The following USP31 variants were observed in gnomAD, a reference collection of about 807,000 sequenced individuals.
The protein encoded by USP31 is ubiquitin specific peptidase 31.
In USP31, 44 loss-of-function variants were observed where a neutral mutation model predicts 119.4. The observed-to-expected ratio is 0.37, with a 90% confidence interval of 0.29 to 0.47. The LOEUF is 0.47. USP31 is among the 20% of genes least tolerant of loss of function. USP31 has a pLI of 0.99. For synonymous variants in USP31, 749 were observed against 705.6 expected (o/e 1.06, Z -0.97); for missense variants, 1,643 against 1,730.2 (o/e 0.95, Z 0.89).
At chr16:23,078,417 A>T (rs1900680034) in intron 13 of USP31, among the ~76,000 whole-genome samples, 1 of 151,592 alleles carries the variant, frequency 6.6e-6, no homozygotes, top group Non-Finnish European at 1.5e-5. Flanking sequence ...GGCATGCGCC[A>T]CTCACCCCTC....
At chr16:23,126,351 G>A (rs1477226871) in intron 1 of USP31, among the ~76,000 whole-genome samples, 5 of 149,510 alleles carry the variant, frequency 3.3e-5, no homozygotes, top group East Asian at 2.0e-4. Flanking sequence ...AAGGCTGGGC[G>A]TAGTGGCTCA....
chr16:23,098,919 C>T (rs1314859866), intron 6 of USP31, among the ~76,000 whole-genome samples: 2 of 152,160 alleles, frequency 1.3e-5, no homozygotes, highest in African/African-American at 4.8e-5. Flanking sequence ...TGAGCAAGGG[C>T]TTCATGACTA....
chr16:23,136,496 T>C (rs1238123560), intron 1 of USP31, among the ~76,000 whole-genome samples: 5 of 151,710 alleles, frequency 3.3e-5, no homozygotes, highest in South Asian at 2.1e-4. Flanking sequence ...CTACTAAAAA[T>C]ACAAAAAATT....
chr16:23,067,871 T>G lies in USP31; in HGVS notation c.*175A>C. 1.2e-6 allele frequency: 1 copy of G among 813,840 alleles called. No individual in the cohort carries two copies. The highest frequency in any genetic ancestry group is 3.3e-5 in the Admixed American group (1 of 30,216). 50.4% of individuals were successfully genotyped at this position (813,840 alleles called of 1,614,324 possible). ...TTCAATGGCAGAATAAGGCGACGCTTTGAACAATTTGCAATTGAATTAGAC... is the reference window on the plus strand; with the variant it reads ...TTCAATGGCAGAATAAGGCGACGCTGTGAACAATTTGCAATTGAATTAGAC... On this transcript the variant is annotated 3_prime_UTR_variant, in exon 16 of 16. Coordinates refer to ENST00000219689, the MANE Select transcript of USP31 (RefSeq NM_020718.4).
At chr16:23,076,261 C>T (rs906572025) in intron 13 of USP31, among the ~76,000 whole-genome samples, 1 of 146,300 alleles carries the variant, frequency 6.8e-6, no homozygotes, top group African/African-American at 2.5e-5. Flanking sequence ...ATCCTGAACA[C>T]GTACACCTGA....
At chr16:23,117,751 C>CTTTTTTTTTTTTTTTTT (rs67615111) in intron 1 of USP31, among the ~76,000 whole-genome samples, 2 of 141,594 alleles carry the variant, frequency 1.4e-5, no homozygotes, top group African/African-American at 2.6e-5. Flanking sequence ...TTTTCCTTTT[C>CTTTTTTTTTTTTTTTTT]TTTTTTTTTT....
At chr16:23,110,043 A>T (rs1200081755) in intron 1 of USP31, among the ~76,000 whole-genome samples, 2 of 152,310 alleles carry the variant, frequency 1.3e-5, no homozygotes, top group East Asian at 3.9e-4. Context: ...TATCAAATTT[A>T]ATCAATAGTA....
At chr16:23,110,899 AGGGT>A (rs1278305716) in intron 1 of USP31, among the ~76,000 whole-genome samples, 1 of 152,048 alleles carries the variant, frequency 6.6e-6, no homozygotes, top group Non-Finnish European at 1.5e-5. Context: ...GAGTCCAAGG[AGGGT>A]GGATCACGAG....
At position 23,065,769 on chromosome 16, in the gene USP31, C is replaced by A. The variant is rs1900041578; in HGVS notation, c.*2277G>T. On this transcript the variant is annotated 3_prime_UTR_variant, in exon 16 of 16. Transcript: ENST00000219689. ...GATAACTCAAGAATAAAAATATTTACCACTGTGAAAATTAAACTAGTTTCT... is the reference window on the plus strand; with the variant it reads ...GATAACTCAAGAATAAAAATATTTAACACTGTGAAAATTAAACTAGTTTCT... 6.6e-6 allele frequency: 1 copy of A among 151,802 alleles called. No homozygotes were observed. 9.4% of individuals were successfully genotyped at this position (151,802 alleles called of 1,614,324 possible).
chr16:23,102,302 A>C lies in USP31; in HGVS notation c.1234+17T>G. The C allele has an allele frequency of 6.2e-7, 1 of 1,606,850 alleles. No individual in the cohort carries two copies. Among genetic ancestry groups the C allele is most frequent in the Non-Finnish European group, 8.5e-7 (1 of 1,177,668 alleles). On this transcript the variant is annotated intron_variant, in intron 6 of 15. Coordinates refer to ENST00000219689, the MANE Select transcript of USP31 (RefSeq NM_020718.4). ...CTGCAAACCCAGGTGGCATTATGGA[A>C]ACAGGAGCTCCCTTACCTCTTTGAC...
rs1188202570 is a variant in USP31 at position 23,067,577 on chromosome 16, A to C, written c.*469T>G. The C allele has an allele frequency of 6.5e-6, 1 of 154,686 alleles. No individual in the cohort carries two copies. The highest frequency in any genetic ancestry group is 2.4e-5 in the African/African-American group (1 of 41,452). 9.6% of individuals were successfully genotyped at this position (154,686 alleles called of 1,614,324 possible). On this transcript the variant is annotated 3_prime_UTR_variant, in exon 16 of 16. Transcript: ENST00000219689. Reference sequence around the variant, plus strand: ...TTCCCTCGATTTGTTTCGTTGTTAGAGTCACAGTTTTTAGAGCTCCTGGTG... The same window carrying C: ...TTCCCTCGATTTGTTTCGTTGTTAGCGTCACAGTTTTTAGAGCTCCTGGTG...
At chr16:23,104,311 G>A (rs1902003956) in intron 5 of USP31, among the ~76,000 whole-genome samples, 1 of 152,190 alleles carries the variant, frequency 6.6e-6, no homozygotes, top group Non-Finnish European at 1.5e-5. Flanking sequence ...GAACAAGCAA[G>A]TAAAATTCAC....
intron 5 of USP31, among the ~76,000 whole-genome samples, chr16:23,105,136 C>A (rs1902042895): frequency 6.6e-6 from 1 of 152,204 alleles, no homozygotes; most frequent in Non-Finnish European, 1.5e-5. Context: ...CCACTGCCCA[C>A]ATACACATCC....
At chr16:23,113,056 A>AC (rs1299307947) in intron 1 of USP31, among the ~76,000 whole-genome samples, 1 of 152,164 alleles carries the variant, frequency 6.6e-6, no homozygotes, top group Admixed American at 6.5e-5. Flanking sequence ...AATAAAAAAA[A>AC]CATCATTAGC....
chr16:23,122,201 T>C (rs545433394), intron 1 of USP31, among the ~76,000 whole-genome samples: 1 of 152,274 alleles, frequency 6.6e-6, no homozygotes, highest in African/African-American at 2.4e-5. Context: ...AATATCAAAT[T>C]TTAGCAAAAG....
At chr16:23,135,506 C>T (rs765194871) in intron 1 of USP31, among the ~76,000 whole-genome samples, 1 of 151,964 alleles carries the variant, frequency 6.6e-6, no homozygotes. Flanking sequence ...GATACAAAAT[C>T]AACATGCAAA....
intron 4 of USP31, among the ~76,000 whole-genome samples, 181 bp from the exon 5 acceptor site, chr16:23,105,757 T>C: frequency 6.6e-6 from 1 of 152,200 alleles, no homozygotes; most frequent in East Asian, 1.9e-4. Context: ...ATCATCAAGA[T>C]CTTTGGAAAA....
At chr16:23,125,778 G>A (rs1393568374) in intron 1 of USP31, among the ~76,000 whole-genome samples, 2 of 152,188 alleles carry the variant, frequency 1.3e-5, no homozygotes, top group African/African-American at 2.4e-5. Flanking sequence ...TAATGTATCT[G>A]TGTAATTACT....
chr16:23,108,836 T>C (rs1297002746), intron 1 of USP31, among the ~76,000 whole-genome samples: 2 of 152,246 alleles, frequency 1.3e-5, no homozygotes, highest in Non-Finnish European at 2.9e-5. Context: ...TTTCAAACTT[T>C]ACAAGATTGA....
Sources: allele counts gnomAD v4.1 joint callset (sites outside exome capture counted in the v4.1 genomes callset), GRCh38; gene constraint gnomAD v4.1.1; transcripts MANE v1.5; gene names NCBI Gene and HGNC (gene_info 2026-07-23, HGNC 2026-07-21).